The following NTM variants were observed in gnomAD, a reference collection of about 807,000 sequenced individuals.
NTM encodes the protein IgLON family member 2.
In NTM, 13 loss-of-function variants were observed where a neutral mutation model predicts 42.1. The ratio of observed to expected loss-of-function variants is 0.31; its 90% CI spans 0.20 to 0.49. NTM has a LOEUF of 0.49. Ranked by LOEUF, NTM falls within the 20% of genes least tolerant of loss-of-function variation. The pLI is 0.99. For missense variants in NTM, 373 were observed against 452.8 expected (o/e 0.82, Z 1.60); for synonymous variants, 187 against 179.2 (o/e 1.04, Z -0.35).
At chr11:131,926,786 T>C (rs2058014019) in intron 2 of NTM, among the ~76,000 whole-genome samples, 1 of 152,222 alleles carries the variant, frequency 6.6e-6, no homozygotes, top group South Asian at 2.1e-4. Context: ...CCATATTTGA[T>C]GTGTCACCCC....
At chr11:131,672,521 C>T (rs908918366) in intron 1 of NTM, among the ~76,000 whole-genome samples, 4 of 152,214 alleles carry the variant, frequency 2.6e-5, no homozygotes, top group African/African-American at 4.8e-5. Flanking sequence ...GATTCCAGGC[C>T]ATTCTCTTCG....
intron 1 of NTM, among the ~76,000 whole-genome samples, chr11:131,452,806 G>GTAC (rs1176079842): frequency 1.3e-5 from 2 of 152,160 alleles, no homozygotes; most frequent in Admixed American, 6.5e-5. Context: ...ACAGGTGCTG[G>GTAC]TACTGCCTTT....
At chr11:131,401,816 A>ATATATATATATATATATATATGTG (rs1945198212) in intron 1 of NTM, among the ~76,000 whole-genome samples, 3 of 33,266 alleles carry the variant, frequency 9.0e-5, no homozygotes, top group Admixed American at 3.0e-4. Context: ...ATATATATAT[A>ATATATATATATATATATATATGTG]TATATATATA....
At chr11:132,054,728 G>A (rs555424636) in intron 2 of NTM, among the ~76,000 whole-genome samples, 1 of 152,338 alleles carries the variant, frequency 6.6e-6, no homozygotes, top group South Asian at 2.1e-4. Flanking sequence ...ATGAACTTGA[G>A]ATTTATAAGC....
At chr11:131,684,566 A>G (rs981674105) in intron 1 of NTM, among the ~76,000 whole-genome samples, 1 of 152,204 alleles carries the variant, frequency 6.6e-6, no homozygotes, top group African/African-American at 2.4e-5. Flanking sequence ...TCCTTTATGT[A>G]GGACACTGGC....
At chr11:132,273,293 G>A (rs1343689050) in intron 4 of NTM, among the ~76,000 whole-genome samples, 1 of 124,180 alleles carries the variant, frequency 8.1e-6, no homozygotes, top group African/African-American at 3.0e-5. Context: ...TTTGTTGCCA[G>A]GTTTTGTTGA....
At chr11:132,132,736 A>T (rs2067051236) in intron 2 of NTM, among the ~76,000 whole-genome samples, 1 of 152,194 alleles carries the variant, frequency 6.6e-6, no homozygotes, top group Non-Finnish European at 1.5e-5. Flanking sequence ...GAGTCACAGA[A>T]AGACTACGGA....
At chr11:131,946,680 A>G (rs2060379723) in intron 2 of NTM, among the ~76,000 whole-genome samples, 1 of 152,210 alleles carries the variant, frequency 6.6e-6, no homozygotes, top group Admixed American at 6.5e-5. Flanking sequence ...TCACAAATGA[A>G]ATATGTTCCA....
At chr11:131,526,381 G>A (rs1223134149) in intron 1 of NTM, among the ~76,000 whole-genome samples, 5 of 152,232 alleles carry the variant, frequency 3.3e-5, no homozygotes, top group African/African-American at 1.2e-4. Context: ...TGTGTTTCAG[G>A]TGGGCTAATC....
At chr11:131,996,744 G>A (rs772603379) in intron 2 of NTM, among the ~76,000 whole-genome samples, 2 of 152,152 alleles carry the variant, frequency 1.3e-5, no homozygotes, top group Non-Finnish European at 2.9e-5. Context: ...TGATTAAGGA[G>A]GAATCATTGC....
At chr11:131,619,625 G>T (rs765107730) in intron 1 of NTM, among the ~76,000 whole-genome samples, 19 of 152,014 alleles carry the variant, frequency 1.2e-4, no homozygotes, top group Non-Finnish European at 2.5e-4. Flanking sequence ...AGGGAAGAAA[G>T]AACACAATTG....
At chr11:131,935,635 T>C (rs1161086126) in intron 2 of NTM, among the ~76,000 whole-genome samples, 2 of 152,140 alleles carry the variant, frequency 1.3e-5, no homozygotes, top group Non-Finnish European at 2.9e-5. Flanking sequence ...CTGGCCTGTT[T>C]TATCAGATTT....
At chr11:131,783,374 G>A (rs1219573677) in intron 1 of NTM, among the ~76,000 whole-genome samples, 4 of 152,120 alleles carry the variant, frequency 2.6e-5, no homozygotes, top group African/African-American at 2.4e-5. Flanking sequence ...GTTGGAAGAT[G>A]ATAGTTTTAA....
intron 1 of NTM, among the ~76,000 whole-genome samples, chr11:131,567,500 C>T (rs1277846171): frequency 6.6e-6 from 1 of 151,914 alleles, no homozygotes; most frequent in Non-Finnish European, 1.5e-5. Flanking sequence ...AAAAAAGACC[C>T]AAAAATCTAG....
chr11:131,564,135 G>A (rs1442624195), intron 1 of NTM, among the ~76,000 whole-genome samples: 26 of 152,170 alleles, frequency 1.7e-4, no homozygotes, highest in Non-Finnish European at 4.4e-5. Context: ...ATTCCTGCAG[G>A]TTCTTTTGGA....
intron 1 of NTM, among the ~76,000 whole-genome samples, chr11:131,659,077 A>T (rs1402415765): frequency 6.6e-6 from 1 of 152,228 alleles, no homozygotes; most frequent in Non-Finnish European, 1.5e-5. Flanking sequence ...GACCTCTGGT[A>T]TCAGTTCCCT....
chr11:131,977,251 C>T lies in NTM; in HGVS notation c.167+65603C>T, dbSNP rs575279706. 9.8e-5 allele frequency among the ~76,000 whole-genome samples: 15 copies of T among 152,346 alleles called. No individual in the cohort carries two copies. In the East Asian group the frequency reaches 2.9e-3, roughly 29 times the overall value. On this transcript the variant is annotated intron_variant, in intron 2 of 8. Coordinates refer to ENST00000683400, the MANE Select transcript of NTM (RefSeq NM_001352005.2). ...ATGGAAGGAAAACAAAAAGCGACTA[C>T]GCGTAACAGTTTTTACATTATATGC...
intron 1 of NTM, among the ~76,000 whole-genome samples, chr11:131,611,562 A>C (rs1363184554): frequency 6.6e-6 from 1 of 152,220 alleles, no homozygotes; most frequent in African/African-American, 2.4e-5. Context: ...AAGGAGGAAA[A>C]GCACAAGGAA....
chr11:131,927,778 T>C (rs893453440), intron 2 of NTM, among the ~76,000 whole-genome samples: 8 of 152,186 alleles, frequency 5.3e-5, no homozygotes, highest in African/African-American at 1.9e-4. Context: ...CAGAGCCCTG[T>C]GGTAGCATCA....
Sources: gnomAD v4.1 joint callset for allele counts (sites outside exome capture counted in the v4.1 genomes callset) on GRCh38, gnomAD v4.1.1 for gene constraint, MANE v1.5 for transcripts, NCBI Gene and HGNC (gene_info 2026-07-23, HGNC 2026-07-21) for gene names.